CENPQ: variants seen among roughly 807,000 people sequenced by gnomAD.
The protein encoded by CENPQ is chromosome 6 open reading frame 139.
Under a neutral mutation model 36.6 loss-of-function variants are expected in CENPQ, and 27 were observed. That is an observed-to-expected ratio of 0.74 (90% confidence interval 0.54 to 1.02). The LOEUF is 1.02. Ranked by LOEUF, CENPQ falls within the 50% of genes least tolerant of loss-of-function variation. The pLI is 0.00. For missense variants in CENPQ, 306 were observed against 301.8 expected (o/e 1.01, Z -0.10); for synonymous variants, 101 against 101.7 (o/e 0.99, Z 0.04).
chr6:49,487,966 A>T (rs1768630305), intron 6 of CENPQ, among the ~76,000 whole-genome samples: 1 of 152,184 alleles, frequency 6.6e-6, no homozygotes, highest in African/African-American at 2.4e-5. Flanking sequence ...AAAACAATTC[A>T]GAATTTCTCC....
intron 5 of CENPQ, among the ~76,000 whole-genome samples, chr6:49,476,895 G>A (rs1034563845): frequency 5.9e-5 from 9 of 152,160 alleles, no homozygotes; most frequent in African/African-American, 1.9e-4. Context: ...AGTTAGAATG[G>A]CGATCATTAA....
intron 1 of CENPQ, among the ~76,000 whole-genome samples, chr6:49,468,186 T>C (rs769390852): frequency 1.3e-5 from 2 of 151,910 alleles, no homozygotes; most frequent in African/African-American, 2.4e-5. Flanking sequence ...TAGGTACATG[T>C]ACCAGACTGG....
intron 8 of CENPQ, 126 bp downstream of exon 8, chr6:49,488,810 G>T: frequency 1.4e-6 from 1 of 734,302 alleles, no homozygotes; most frequent in Middle Eastern, 2.4e-4. Flanking sequence ...GGTTTCCCAC[G>T]GCATATGGAA....
intron 6 of CENPQ, among the ~76,000 whole-genome samples, chr6:49,486,787 T>C (rs1025962027): frequency 1.3e-5 from 2 of 152,020 alleles, no homozygotes; most frequent in East Asian, 3.9e-4. Flanking sequence ...GATAAAATGA[T>C]AGGATATCTA....
At chr6:49,471,961 C>A in intron 3 of CENPQ, 102 bp from the exon 4 acceptor site, 2 of 1,292,372 alleles carry the variant, frequency 1.5e-6, no homozygotes, top group Non-Finnish European at 2.1e-6. Flanking sequence ...ATATTTTGTT[C>A]TGATAATTTC....
intron 8 of CENPQ, among the ~76,000 whole-genome samples, chr6:49,488,913 G>A (rs982662631): frequency 9.3e-5 from 14 of 150,532 alleles, no homozygotes; most frequent in African/African-American, 2.0e-4. Flanking sequence ...TTTAGAAAAC[G>A]CTTTACTGCT....
chr6:49,484,815 T>C lies in CENPQ; in HGVS notation c.478-3537T>C, dbSNP rs190330646. On this transcript the variant is annotated intron_variant, in intron 6 of 8. Coordinates refer to ENST00000335783, the MANE Select transcript of CENPQ (RefSeq NM_018132.4). ...CCAAGGTTCCTACTTTTTTAGGGCA[T>C]CTTTTCAGTATTGGCACTAGCTTCA... Among the ~76,000 whole-genome samples the C allele has an allele frequency of 1.3e-3, 196 of 152,386 alleles. 2 individuals carry two copies. The highest frequency in any genetic ancestry group is 0.01 in the East Asian group (52 of 5,188).
intron 2 of CENPQ, 88 bp downstream of exon 2, chr6:49,470,366 G>A: frequency 1.4e-6 from 1 of 711,456 alleles, no homozygotes; most frequent in Non-Finnish European, 2.3e-6. Context: ...CACTTTGGGA[G>A]GCCGAGGTGG....
At chr6:49,486,649 TGA>T (rs1010701105) in intron 6 of CENPQ, among the ~76,000 whole-genome samples, 1 of 152,144 alleles carries the variant, frequency 6.6e-6, no homozygotes, top group Non-Finnish European at 1.5e-5. Context: ...ATGAGAAAAT[TGA>T]AAATGTGAAC....
chr6:49,474,735 A>C (rs1768237289), intron 5 of CENPQ, among the ~76,000 whole-genome samples: 1 of 152,238 alleles, frequency 6.6e-6, no homozygotes, highest in Non-Finnish European at 1.5e-5. Context: ...GATTTTTTGA[A>C]AAGATCAACA....
At chr6:49,467,723 G>T (rs763531987) in intron 1 of CENPQ, among the ~76,000 whole-genome samples, 3 of 152,156 alleles carry the variant, frequency 2.0e-5, no homozygotes, top group African/African-American at 7.2e-5. Flanking sequence ...AGAAGAAAAT[G>T]ATTAATGGAC....
intron 2 of CENPQ, among the ~76,000 whole-genome samples, chr6:49,470,622 CAAAA>C (rs1199878940): frequency 7.5e-5 from 5 of 66,378 alleles, no homozygotes; most frequent in Non-Finnish European, 8.6e-5. Flanking sequence ...GACTCCGTCT[CAAAA>C]AAAAAAAAAA....
chr6:49,467,103 A>G (rs905816516), intron 1 of CENPQ, among the ~76,000 whole-genome samples: 2 of 152,200 alleles, frequency 1.3e-5, no homozygotes, highest in Non-Finnish European at 2.9e-5. Flanking sequence ...ACAACAAAGA[A>G]TGATCCATCT....
intron 5 of CENPQ, among the ~76,000 whole-genome samples, chr6:49,473,481 G>T (rs1378780555): frequency 6.6e-6 from 1 of 152,194 alleles, no homozygotes; most frequent in Non-Finnish European, 1.5e-5. Flanking sequence ...GAGAGATTTT[G>T]TCACCACCAG....
intron 6 of CENPQ, among the ~76,000 whole-genome samples, chr6:49,481,799 G>C (rs1179608093): frequency 6.6e-6 from 1 of 151,966 alleles, no homozygotes; most frequent in Non-Finnish European, 1.5e-5. Context: ...AGGTGGAGCT[G>C]CCTGCCAGTC....
intron 2 of CENPQ, 40 bp downstream of exon 2, chr6:49,470,318 C>A: frequency 7.5e-7 from 1 of 1,336,354 alleles, no homozygotes; most frequent in African/African-American, 1.5e-5. Flanking sequence ...AAATCTTCAA[C>A]TGTGGCCAAG....
At chr6:49,469,326 A>ATG (rs745786029) in intron 1 of CENPQ, among the ~76,000 whole-genome samples, 3 of 152,194 alleles carry the variant, frequency 2.0e-5, no homozygotes, top group Non-Finnish European at 4.4e-5. Context: ...ATATGTTTAT[A>ATG]TGTGTATATA....
chr6:49,476,311 C>T (rs1281612436), intron 5 of CENPQ, among the ~76,000 whole-genome samples: 1 of 152,144 alleles, frequency 6.6e-6, no homozygotes, highest in Non-Finnish European at 1.5e-5. Flanking sequence ...CTGACAAAAA[C>T]AAGCAATGGG....
chr6:49,463,757 T>C (rs1391378813), intron 1 of CENPQ, among the ~76,000 whole-genome samples: 4 of 152,128 alleles, frequency 2.6e-5, no homozygotes, highest in Non-Finnish European at 1.5e-5. Context: ...CCTTGGACAT[T>C]AGTGTCTGTG....
Sources: gnomAD v4.1 joint callset for allele counts (sites outside exome capture counted in the v4.1 genomes callset) on GRCh38, gnomAD v4.1.1 for gene constraint, MANE v1.5 for transcripts, NCBI Gene and HGNC (gene_info 2026-07-23, HGNC 2026-07-21) for gene names.